ITPR2: variants seen among roughly 807,000 people sequenced by gnomAD.
ITPR2 encodes inositol 1,4,5-trisphosphate-gated calcium channel ITPR2.
Under a neutral mutation model 317.1 loss-of-function variants are expected in ITPR2, and 207 were observed. The ratio of observed to expected loss-of-function variants is 0.65; its 90% CI spans 0.58 to 0.73. The LOEUF is 0.73. ITPR2 is among the 30% of genes least tolerant of loss of function. The pLI is 0.00. For missense variants in ITPR2, 2,613 were observed against 3,284.0 expected (o/e 0.80, Z 4.99); for synonymous variants, 1,156 against 1,149.1 (o/e 1.01, Z -0.12).
At chr12:26,389,405 G>C (rs536752645) in intron 54 of ITPR2, among the ~76,000 whole-genome samples, 1 of 151,942 alleles carries the variant, frequency 6.6e-6, no homozygotes, top group African/African-American at 2.4e-5. Flanking sequence ...AATCCTATGT[G>C]ACTTGGCCTC....
chr12:26,567,994 AT>A (rs1945043278), intron 34 of ITPR2, among the ~76,000 whole-genome samples: 1 of 5,368 alleles, frequency 1.9e-4, no homozygotes, highest in Non-Finnish European at 2.1e-3. Flanking sequence ...ATATATATAT[AT>A]ATTATATATA....
chr12:26,536,518 T>C (rs547644403), intron 37 of ITPR2, among the ~76,000 whole-genome samples: 1 of 151,862 alleles, frequency 6.6e-6, no homozygotes, highest in Non-Finnish European at 1.5e-5. Context: ...TGAAGGACAG[T>C]TGAAATGGAT....
chr12:26,494,190 C>A lies in ITPR2; in HGVS notation c.5333G>T (p.Gly1778Val). ...ATTTCCTCCTTCAAGCAAGGCAATG[C>A]CGAGGAAAATGCCTTCTGAAAAAAT... ...DRIFSEGIFL[G>V]IALLEGGNTQ... The change falls in exon 39 of 57, where the codon GGC becomes GTC. Residue 1778 changes from glycine to valine, a missense_variant. Around this residue, in one of 9 missense-constraint regions of ITPR2, gnomAD observed 926 missense variants for 1,072.8 expected, o/e 0.86. Coordinates refer to ENST00000381340, the MANE Select transcript of ITPR2 (RefSeq NM_002223.4). 1 of 1,612,756 alleles carries A rather than the reference C, an allele frequency of 6.2e-7. No homozygotes were observed. Among genetic ancestry groups the A allele is most frequent in the Non-Finnish European group, 8.5e-7 (1 of 1,179,416 alleles).
chr12:26,477,475 T>C (rs1026233377), intron 43 of ITPR2, among the ~76,000 whole-genome samples: 10 of 152,046 alleles, frequency 6.6e-5, no homozygotes, highest in Non-Finnish European at 7.4e-5. Flanking sequence ...TAAAATAAAT[T>C]TAAGCAATAA....
chr12:26,359,451 C>A (rs1938752144), intron 55 of ITPR2, among the ~76,000 whole-genome samples: 1 of 152,124 alleles, frequency 6.6e-6, no homozygotes, highest in Non-Finnish European at 1.5e-5. Flanking sequence ...CAGTCTGAAT[C>A]CCAGCCTCAC....
chr12:26,672,956 T>C (rs1947819681), intron 13 of ITPR2, among the ~76,000 whole-genome samples: 1 of 152,180 alleles, frequency 6.6e-6, no homozygotes, highest in South Asian at 2.1e-4. Flanking sequence ...CTAGAAGAAA[T>C]GGATAAATTC....
chr12:26,409,635 C>T (rs937445791), intron 52 of ITPR2, among the ~76,000 whole-genome samples: 4 of 152,138 alleles, frequency 2.6e-5, no homozygotes, highest in East Asian at 1.9e-4. Context: ...CTTAGCTCAA[C>T]GGCTGTATAA....
chr12:26,661,286 G>T (rs1313363615), intron 15 of ITPR2, among the ~76,000 whole-genome samples: 1 of 101,250 alleles, frequency 9.9e-6, no homozygotes, highest in Non-Finnish European at 2.0e-5. Context: ...GGGGGGGGGG[G>T]GGTGGGAGGG....
At chr12:26,676,462 G>A (rs193235275) in intron 13 of ITPR2, among the ~76,000 whole-genome samples, 112 of 148,338 alleles carry the variant, frequency 7.6e-4, no homozygotes, top group African/African-American at 2.7e-3. Context: ...GGGTGACAGA[G>A]TGAGACTCTG....
At chr12:26,412,155 G>T (rs1204410560) in intron 51 of ITPR2, among the ~76,000 whole-genome samples, 2 of 152,156 alleles carry the variant, frequency 1.3e-5, no homozygotes, top group Admixed American at 6.5e-5. Flanking sequence ...GACAAGGGTA[G>T]GTCCAGTTGT....
intron 45 of ITPR2, among the ~76,000 whole-genome samples, chr12:26,470,219 G>C (rs1942264751): frequency 6.6e-6 from 1 of 152,080 alleles, no homozygotes; most frequent in South Asian, 2.1e-4. Flanking sequence ...ACTAAATTTT[G>C]GAATATGTCT....
chr12:26,796,181 T>C (rs145886982), intron 1 of ITPR2, among the ~76,000 whole-genome samples: 29 of 152,214 alleles, frequency 1.9e-4, no homozygotes, highest in African/African-American at 7.0e-4. Flanking sequence ...TAAATACTAA[T>C]GGCATCCCTT....
At chr12:26,545,848 T>C (rs973994245) in intron 37 of ITPR2, among the ~76,000 whole-genome samples, 1 of 152,146 alleles carries the variant, frequency 6.6e-6, no homozygotes, top group African/African-American at 2.4e-5. Context: ...ATGGACAAAA[T>C]ACAGAGATCA....
chr12:26,736,745 G>A (rs1413611512), intron 2 of ITPR2, among the ~76,000 whole-genome samples: 1 of 152,182 alleles, frequency 6.6e-6, no homozygotes, highest in Non-Finnish European at 1.5e-5. Flanking sequence ...AAAAGCTGAT[G>A]CCGCCATTTT....
rs1030871839 is a variant in ITPR2, at chr12:26,606,590, CA to C, written c.3463-3885del. Among the ~76,000 whole-genome samples, 3 of 147,198 alleles carry C rather than the reference CA, an allele frequency of 2.0e-5. No homozygotes were observed. The East Asian group carries it at 5.9e-4, about 29-fold the overall frequency. On this transcript the variant is annotated intron_variant, in intron 26 of 56. Transcript: ENST00000381340. Reference sequence around the variant, plus strand: ...GGCAAGGAAACTTTTACATCAATAGCAAAAATTATATAAGAAAGTAATATTA... The same window carrying C: ...GGCAAGGAAACTTTTACATCAATAGCAAAATTATATAAGAAAGTAATATTA...
In ITPR2 at chr12:26,681,918, T is replaced by C. The variant is rs1948040353; in HGVS notation, c.1365A>G (p.Thr455=). Residue 455 remains threonine (T), a synonymous_variant, in exon 13 of 57, where the codon ACA becomes ACG. Coordinates refer to ENST00000381340, the MANE Select transcript of ITPR2 (RefSeq NM_002223.4). ...TTGTGCCGTTTTCTAGCTTTTTAAC[T>C]GTGGTCGCTAGTACTTTATTGGCAT... ...ANDANKVLAT[T]VKKLENGTIT... 1.2e-6 allele frequency: 2 copies of C among 1,613,404 alleles called. No individual in the cohort carries two copies. Among genetic ancestry groups the C allele is most frequent in the Non-Finnish European group, 1.7e-6 (2 of 1,179,408 alleles).
At chr12:26,590,794 T>C (rs1384787925) in intron 32 of ITPR2, among the ~76,000 whole-genome samples, 2 of 152,054 alleles carry the variant, frequency 1.3e-5, no homozygotes, top group African/African-American at 4.8e-5. Flanking sequence ...GTTAAAAGGC[T>C]TCAGGTCGGG....
intron 55 of ITPR2, among the ~76,000 whole-genome samples, chr12:26,380,513 C>A (rs1031830130): frequency 1.3e-5 from 2 of 152,134 alleles, no homozygotes; most frequent in African/African-American, 4.8e-5. Context: ...GCTGCAAAGA[C>A]CCCCTTGGCT....
intron 1 of ITPR2, among the ~76,000 whole-genome samples, chr12:26,829,723 A>G (rs1005219523): frequency 9.2e-5 from 14 of 152,146 alleles, no homozygotes; most frequent in Non-Finnish European, 1.8e-4. Flanking sequence ...AATGACTTTT[A>G]CTACAACTGT....
Sources: gnomAD v4.1 joint callset for allele counts (sites outside exome capture counted in the v4.1 genomes callset) on GRCh38, gnomAD v4.1.1 for gene constraint, gnomAD v4.1.1 regional missense constraint, MANE v1.5 for transcripts, NCBI Gene and HGNC (gene_info 2026-07-23, HGNC 2026-07-21) for gene names.